LOC128462377: variants seen among roughly 807,000 people sequenced by gnomAD.
At chr16:89,375,909 G>A in the LOC128462377 span, among the ~76,000 whole-genome samples, 2 of 152,072 alleles carry the variant, frequency 1.3e-5, no homozygotes, top group African/African-American at 4.8e-5. Context: ...AAGAAGCAGA[G>A]CTCCCAGGAG....
the LOC128462377 span, among the ~76,000 whole-genome samples, chr16:89,369,321 T>G: frequency 6.6e-6 from 1 of 152,182 alleles, no homozygotes; most frequent in Non-Finnish European, 1.5e-5. Flanking sequence ...ACAGCAGCGC[T>G]GCAAAGGGCC....
the LOC128462377 span, among the ~76,000 whole-genome samples, chr16:89,333,771 T>C: frequency 6.6e-6 from 1 of 152,144 alleles, no homozygotes. Context: ...TTGGCAATTA[T>C]GAATAAAGCC....
At chr16:89,350,297 T>C in the LOC128462377 span, among the ~76,000 whole-genome samples, 91 of 152,284 alleles carry the variant, frequency 6.0e-4, 1 homozygote, top group African/African-American at 2.1e-3. Context: ...TAAACATTCA[T>C]GTAACATGTG....
chr16:89,402,824 G>C, the LOC128462377 span, among the ~76,000 whole-genome samples: 13 of 145,920 alleles, frequency 8.9e-5, no homozygotes, highest in East Asian at 2.5e-3. Flanking sequence ...AGGTTGGGGG[G>C]GCGGCACTGC....
the LOC128462377 span, among the ~76,000 whole-genome samples, chr16:89,327,597 G>C: frequency 6.6e-6 from 1 of 152,056 alleles, no homozygotes; most frequent in Non-Finnish European, 1.5e-5. Context: ...AAGAAATAAA[G>C]ACAGTACCAT....
chr16:89,342,951 A>G, the LOC128462377 span, among the ~76,000 whole-genome samples: 1 of 151,280 alleles, frequency 6.6e-6, no homozygotes, highest in Admixed American at 6.6e-5. Context: ...TACATGCTTC[A>G]TAATTCCGAA....
At chr16:89,406,525 C>T in the LOC128462377 span, among the ~76,000 whole-genome samples, 1 of 152,148 alleles carries the variant, frequency 6.6e-6, no homozygotes, top group African/African-American at 2.4e-5. Flanking sequence ...GGTGTCAGCA[C>T]GCAGACACAC....
chr16:89,385,817 G>A, the LOC128462377 span, among the ~76,000 whole-genome samples: 557 of 152,338 alleles, frequency 3.7e-3, 3 homozygotes, highest in African/African-American at 0.012. Context: ...CCGCCGCTGC[G>A]CAGCCAGAGG....
chr16:89,346,306 G>C, the LOC128462377 span, among the ~76,000 whole-genome samples: 2 of 150,386 alleles, frequency 1.3e-5, no homozygotes, highest in African/African-American at 4.9e-5. Context: ...CCTCAGCCAC[G>C]GAGCAGATAT....
At chr16:89,343,148 C>G in the LOC128462377 span, among the ~76,000 whole-genome samples, 3 of 152,076 alleles carry the variant, frequency 2.0e-5, no homozygotes, top group African/African-American at 7.2e-5. Context: ...GCCACCACGC[C>G]TGGCTCATGT....
At chr16:89,401,610 A>T in the LOC128462377 span, among the ~76,000 whole-genome samples, 1 of 152,104 alleles carries the variant, frequency 6.6e-6, no homozygotes, top group African/African-American at 2.4e-5. Flanking sequence ...ATGAGTTGAA[A>T]TGTGTCCCCC....
the LOC128462377 span, among the ~76,000 whole-genome samples, chr16:89,346,541 G>C: frequency 1.3e-5 from 2 of 152,238 alleles, no homozygotes; most frequent in Non-Finnish European, 2.9e-5. Flanking sequence ...TAAAAACTGT[G>C]AGAGTCACCT....
chr16:89,359,270 G>C, the LOC128462377 span, among the ~76,000 whole-genome samples: 4,551 of 152,194 alleles, frequency 0.03, 234 homozygotes, highest in African/African-American at 0.11. Context: ...AACTGCTTGA[G>C]TATGCTTCTT....
the LOC128462377 span, among the ~76,000 whole-genome samples, chr16:89,336,848 G>A: frequency 4.6e-5 from 7 of 151,926 alleles, no homozygotes; most frequent in East Asian, 3.9e-4. Context: ...ACTGCAGGCC[G>A]GGCGCGGTGG....
At chr16:89,409,174 T>G in the LOC128462377 span, among the ~76,000 whole-genome samples, 1 of 152,098 alleles carries the variant, frequency 6.6e-6, no homozygotes. Context: ...AAGCCGACGG[T>G]CTGAGGAAAT....
chr16:89,324,088 G>A, the LOC128462377 span: 2 of 365,630 alleles, frequency 5.5e-6, no homozygotes, highest in Non-Finnish European at 4.6e-6. Context: ...TTGACCTCAT[G>A]ATCTGCCGGC....
At chr16:89,319,139 T>G in the LOC128462377 span, among the ~76,000 whole-genome samples, 1 of 152,198 alleles carries the variant, frequency 6.6e-6, no homozygotes, top group African/African-American at 2.4e-5. Flanking sequence ...CTTCACCATG[T>G]AGAGTCCACC....
chr16:89,370,914 C>G, the LOC128462377 span, among the ~76,000 whole-genome samples: 6 of 152,144 alleles, frequency 3.9e-5, no homozygotes, highest in Non-Finnish European at 7.3e-5. Context: ...AAGAACAGAA[C>G]CCTGCAGGCG....
the LOC128462377 span, among the ~76,000 whole-genome samples, chr16:89,338,424 TAAAAA>T: frequency 7.9e-6 from 1 of 127,032 alleles, no homozygotes; most frequent in Admixed American, 7.9e-5. Context: ...TACACTCTGT[TAAAAA>T]AAAAAAAAAA....
Sources: gnomAD v4.1 joint callset for allele counts (sites outside exome capture counted in the v4.1 genomes callset) on GRCh38, gnomAD v4.1.1 for gene constraint, MANE v1.5 for transcripts.